Variants in YTHDC2 observed in about 807,000 individuals in gnomAD.
YTHDC2 encodes the protein YTH N6-methyladenosine RNA binding protein C2.
In YTHDC2, 45 loss-of-function variants were observed where a neutral mutation model predicts 174.9. The observed-to-expected ratio is 0.26, with a 90% CI of 0.20 to 0.33. The LOEUF (loss-of-function observed/expected upper bound fraction) is 0.33. YTHDC2 is among the 10% of genes least tolerant of loss of function. The pLI is 1.00. For synonymous variants in YTHDC2, 657 were observed against 574.5 expected (o/e 1.14, Z -2.05); for missense variants, 1,650 against 1,723.7 (o/e 0.96, Z 0.76).
At chr5:113,518,134 C>T (rs918892531) in intron 2 of YTHDC2, among the ~76,000 whole-genome samples, 29 of 151,248 alleles carry the variant, frequency 1.9e-4, no homozygotes, top group African/African-American at 7.0e-4. Context: ...GTGATCTGCC[C>T]GCCTTGGCCT....
At chr5:113,561,335 A>G (rs983991181) in intron 18 of YTHDC2, 150 bp downstream of exon 18, 3 of 470,686 alleles carry the variant, frequency 6.4e-6, no homozygotes, top group African/African-American at 6.0e-5. Flanking sequence ...TCTATAACAA[A>G]TATTTTTTCT....
At chr5:113,589,296 A>C (rs141850342) in intron 26 of YTHDC2, among the ~76,000 whole-genome samples, 1 of 149,106 alleles carries the variant, frequency 6.7e-6, no homozygotes, top group Admixed American at 6.7e-5. Flanking sequence ...CTGTACGTTC[A>C]CTGATGTTTT....
chr5:113,561,204 A>G lies in YTHDC2; in HGVS notation c.2322+19A>G, dbSNP rs749962210. 6.2e-7 allele frequency: 1 copy of G among 1,600,030 alleles called. No individual in the cohort carries two copies. The highest frequency in any genetic ancestry group is 2.3e-5 in the East Asian group (1 of 44,288). On this transcript the variant is annotated intron_variant, in intron 18 of 29. Transcript: ENST00000161863. ...ATTACAGGTAAAAATTTATTTAAAT[A>G]TAAAAGGCATTTTTTTGGGTGAGGG...
chr5:113,539,745 A>G lies in YTHDC2; in HGVS notation c.1210+564A>G, dbSNP rs571051181. 3.9e-5 allele frequency among the ~76,000 whole-genome samples: 6 copies of G among 152,284 alleles called. No homozygotes were observed. In the South Asian group the frequency reaches 1.2e-3, roughly 32 times the overall value. ...AGAAGACTTGGCTTCAAGCTTTGAT[A>G]CCTTGTTTATTCTGTATGCCCTTGG... is the stretch of plus-strand genomic sequence containing the variant. On this transcript the variant is annotated intron_variant, in intron 8 of 29. Coordinates refer to ENST00000161863, the MANE Select transcript of YTHDC2 (RefSeq NM_022828.5).
intron 7 of YTHDC2, among the ~76,000 whole-genome samples, chr5:113,536,866 A>G (rs1775116385): frequency 1.0e-5 from 1 of 95,664 alleles, no homozygotes; most frequent in Non-Finnish European, 2.1e-5. Flanking sequence ...TTTTATAAAC[A>G]TGAGCACATG....
chr5:113,593,414 A>G (rs746301226), intron 29 of YTHDC2, 24 bp downstream of exon 29: 7 of 1,541,188 alleles, frequency 4.5e-6, no homozygotes, highest in Non-Finnish European at 6.3e-6. Context: ...GACTTTGAGT[A>G]TTGGCAGTAT....
intron 7 of YTHDC2, among the ~76,000 whole-genome samples, chr5:113,538,213 C>G (rs561499138): frequency 1.3e-5 from 2 of 152,274 alleles, no homozygotes; most frequent in African/African-American, 2.4e-5. Context: ...TTAACCTGAA[C>G]TATTGCAGTA....
chr5:113,514,224 C>T, intron 1 of YTHDC2, 142 bp downstream of exon 1: 2 of 1,050,696 alleles, frequency 1.9e-6, no homozygotes, highest in East Asian at 2.6e-5. Context: ...CGGGCCTCAG[C>T]GGCGGCACCC....
At chr5:113,520,169 TGTTA>T (rs1483943070) in intron 2 of YTHDC2, among the ~76,000 whole-genome samples, 1 of 152,338 alleles carries the variant, frequency 6.6e-6, no homozygotes, top group South Asian at 2.1e-4. Flanking sequence ...TCTGTTCCTG[TGTTA>T]GTTTGCTGAG....
intron 11 of YTHDC2, 110 bp from the exon 12 acceptor site, chr5:113,548,845 T>A: frequency 8.3e-7 from 1 of 1,197,884 alleles, no homozygotes. Context: ...TTATCTTATT[T>A]TTTATTTAAA....
chr5:113,576,879 G>C (rs1460352352), intron 23 of YTHDC2, among the ~76,000 whole-genome samples: 1 of 152,018 alleles, frequency 6.6e-6, no homozygotes, highest in East Asian at 1.9e-4. Flanking sequence ...TATTTAAACT[G>C]AATAATCTTT....
chr5:113,556,644 G>C (rs1172210100), intron 17 of YTHDC2, among the ~76,000 whole-genome samples: 1 of 152,148 alleles, frequency 6.6e-6, no homozygotes. Context: ...ATGTTTAACA[G>C]TATGTACAAC....
intron 11 of YTHDC2, 136 bp from the exon 12 acceptor site, chr5:113,548,819 G>GT (rs1472100277): frequency 8.8e-7 from 1 of 1,135,124 alleles, no homozygotes; most frequent in Non-Finnish European, 1.2e-6. Context: ...TGAATGACTT[G>GT]TTTTTTAACT....
intron 4 of YTHDC2, among the ~76,000 whole-genome samples, chr5:113,527,449 A>G (rs537296337): frequency 2.0e-5 from 3 of 152,216 alleles, no homozygotes; most frequent in Non-Finnish European, 4.4e-5. Flanking sequence ...GCGGCATTTC[A>G]GCTTAAAATT....
chr5:113,518,656 T>A (rs1298866543), intron 2 of YTHDC2, among the ~76,000 whole-genome samples: 1 of 151,994 alleles, frequency 6.6e-6, no homozygotes, highest in African/African-American at 2.4e-5. Context: ...GGCCACCTGG[T>A]GTAAAGTGCA....
intron 15 of YTHDC2, 28 bp from the exon 16 acceptor site, chr5:113,553,914 T>C: frequency 6.3e-7 from 1 of 1,583,856 alleles, no homozygotes; most frequent in Non-Finnish European, 8.5e-7. Context: ...TGTTTTTTTA[T>C]TAACTTTAAA....
chr5:113,526,844 TATATAGTCCCA>T, intron 4 of YTHDC2, 59 bp downstream of exon 4: 1 of 388,028 alleles, frequency 2.6e-6, no homozygotes, highest in Non-Finnish European at 3.9e-6. Flanking sequence ...TATATATATA[TATATAGTCCCA>T]TATTATAATT....
intron 23 of YTHDC2, 39 bp downstream of exon 23, chr5:113,567,888 A>AT (rs752072533): frequency 0.026 from 29,143 of 1,100,466 alleles, 11 homozygotes; most frequent in African/African-American, 0.028. Flanking sequence ...TTTGAAATGA[A>AT]TTTTTTTTTT....
At chr5:113,577,678 ATATTAATTT>A (rs1298003012) in intron 23 of YTHDC2, among the ~76,000 whole-genome samples, 2 of 152,124 alleles carry the variant, frequency 1.3e-5, no homozygotes, top group Admixed American at 1.3e-4. Flanking sequence ...CCTCTTTTGT[ATATTAATTT>A]AATGTTTCCA....
Sources: gnomAD v4.1 joint callset for allele counts (sites outside exome capture counted in the v4.1 genomes callset) on GRCh38, gnomAD v4.1.1 for gene constraint, MANE v1.5 for transcripts, NCBI Gene and HGNC (gene_info 2026-07-23, HGNC 2026-07-21) for gene names.